C2CD3: variants seen among roughly 807,000 people sequenced by gnomAD.
The protein encoded by C2CD3 is C2 domain-containing protein 3.
C2CD3 carries 148 observed loss-of-function variants against 234.0 expected under a neutral mutation model. The ratio of observed to expected loss-of-function variants is 0.63; its 90% CI spans 0.55 to 0.72. The LOEUF (loss-of-function observed/expected upper bound fraction) is 0.72, where lower values mean the gene tolerates loss of function less well. C2CD3 is among the 30% of genes least tolerant of loss of function. The pLI is 0.00. For synonymous variants in C2CD3, 1,000 were observed against 1,035.4 expected, an observed-to-expected ratio of 0.97 and a Z score of 0.66; for missense variants, 2,577 against 2,811.5, an observed-to-expected ratio of 0.92 and a Z score of 1.89.
intron 24 of C2CD3, among the ~76,000 whole-genome samples, chr11:74,064,654 C>A (rs1954420045): frequency 1.3e-5 from 2 of 152,210 alleles, no homozygotes; most frequent in South Asian, 4.1e-4. Context: ...AGGCATCACA[C>A]TACCTGACTT....
At chr11:74,133,174 T>C (rs1590900986) in intron 6 of C2CD3, among the ~76,000 whole-genome samples, 1 of 152,184 alleles carries the variant, frequency 6.6e-6, no homozygotes, top group Admixed American at 6.5e-5. Context: ...AGGGAGAGAA[T>C]ATCCCCATTT....
Position 74,114,498 on chromosome 11 carries a change from T to A in C2CD3, c.1616A>T (p.His539Leu), listed in dbSNP as rs748536133. The A allele has an allele frequency of 1.9e-6, 3 of 1,613,760 alleles. No homozygotes were observed. The highest frequency in any genetic ancestry group is 2.5e-6 in the Non-Finnish European group (3 of 1,179,786). ...GGTTTCGATGATGATTCTGACTGAA[T>A]GTGTTCTACCCAAAAGGGCCAGTCT... ...VDRLALLGRT[H>L]SVRIIIETMG... The change falls in exon 10 of 33, where the codon CAT becomes CTT. Residue 539 changes from histidine (H) to leucine (L), a missense_variant. Coordinates refer to ENST00000334126, the MANE Select transcript of C2CD3 (RefSeq NM_001286577.2).
intron 19 of C2CD3, among the ~76,000 whole-genome samples, chr11:74,092,023 T>C (rs1955913826): frequency 6.6e-6 from 1 of 151,254 alleles, no homozygotes; most frequent in Admixed American, 6.6e-5. Context: ...GTATATTTTA[T>C]ATATATATAT....
rs1565212347 is a variant in C2CD3, at chr11:74,034,161, C to CG, written c.5998dup (p.Arg2000ProfsTer7). Reference sequence around the variant, plus strand: ...CAATGGCTCATCTGGCATTGTGCATCGTTCTTGCAGTGCTTCTGTGTCCTG... The same window carrying CG: ...CAATGGCTCATCTGGCATTGTGCATCGGTTCTTGCAGTGCTTCTGTGTCCTG... On this transcript the variant is annotated frameshift_variant, in exon 31 of 33. Transcript: ENST00000334126. LOFTEE classifies it high-confidence loss of function. 1 of 1,536,184 alleles carries CG rather than the reference C, an allele frequency of 6.5e-7. No homozygotes were observed. The highest frequency in any genetic ancestry group is 8.7e-7 in the Non-Finnish European group (1 of 1,146,912).
chr11:74,061,260 C>G (rs1028858552), intron 24 of C2CD3, among the ~76,000 whole-genome samples: 4 of 152,148 alleles, frequency 2.6e-5, no homozygotes, highest in African/African-American at 9.7e-5. Flanking sequence ...CATTCAAATT[C>G]AGGAAATACA....
At chr11:74,073,620 A>C (rs887782446) in intron 24 of C2CD3, among the ~76,000 whole-genome samples, 1 of 151,968 alleles carries the variant, frequency 6.6e-6, no homozygotes, top group Non-Finnish European at 1.5e-5. Flanking sequence ...AACAAACAAA[A>C]AAACCCCCCT....
rs12574039 is a variant in C2CD3, at chr11:74,094,979, A to T, written c.3160+249T>A. ...AGGGCAAATGCAAATAATTGGTAGAACTAGGTAAAGAGTATACCAAAGTTC... is the reference window on the plus strand; with the variant it reads ...AGGGCAAATGCAAATAATTGGTAGATCTAGGTAAAGAGTATACCAAAGTTC... On this transcript the variant is annotated intron_variant, in intron 17 of 32. Transcript: ENST00000334126. 0.23 allele frequency among the ~76,000 whole-genome samples: 34,293 copies of T among 151,970 alleles called. 4,183 individuals carry two copies. The highest frequency in any genetic ancestry group is 0.3 in the East Asian group (1,536 of 5,152).
At chr11:74,138,631 A>G in intron 5 of C2CD3, 89 bp downstream of exon 5, 1 of 1,008,826 alleles carries the variant, frequency 9.9e-7, no homozygotes, top group Non-Finnish European at 1.5e-6. Flanking sequence ...TTCAAACAAG[A>G]GTCTTGGTTC....
chr11:74,107,061 C>T (rs1565301391), intron 12 of C2CD3, among the ~76,000 whole-genome samples: 1 of 152,214 alleles, frequency 6.6e-6, no homozygotes, highest in Admixed American at 6.5e-5. Flanking sequence ...GTGGCCCATG[C>T]CTGTAATCCC....
intron 8 of C2CD3, among the ~76,000 whole-genome samples, chr11:74,118,803 G>A (rs1193328197): frequency 6.6e-6 from 1 of 151,940 alleles, no homozygotes; most frequent in African/African-American, 2.4e-5. Context: ...ATCCATAGCT[G>A]TAAAGCCAGA....
intron 7 of C2CD3, among the ~76,000 whole-genome samples, chr11:74,130,424 G>T (rs927693794): frequency 1.3e-5 from 2 of 148,866 alleles, no homozygotes; most frequent in Non-Finnish European, 2.9e-5. Flanking sequence ...GTAGAGATGG[G>T]GGTTTCACTA....
intron 25 of C2CD3, among the ~76,000 whole-genome samples, chr11:74,055,415 A>G (rs932811497): frequency 2.0e-5 from 3 of 152,240 alleles, no homozygotes; most frequent in Non-Finnish European, 4.4e-5. Context: ...AAAGTGTTGG[A>G]AAGTTCCAAA....
At chr11:74,146,416 T>G (rs1855189031) in intron 3 of C2CD3, among the ~76,000 whole-genome samples, 2 of 152,188 alleles carry the variant, frequency 1.3e-5, no homozygotes, top group Non-Finnish European at 2.9e-5. Context: ...TAAAAATAAC[T>G]TTCCAAGAGT....
At chr11:74,070,995 T>A (rs1954764510) in intron 24 of C2CD3, 1 of 152,220 alleles carries the variant, frequency 6.6e-6, no homozygotes, top group African/African-American at 2.4e-5. Context: ...AAAAATGCCC[T>A]CTGTGTTCTC....
chr11:74,031,928 C>T (rs1952535265), intron 31 of C2CD3, among the ~76,000 whole-genome samples: 1 of 152,230 alleles, frequency 6.6e-6, no homozygotes, highest in Non-Finnish European at 1.5e-5. Flanking sequence ...TGCTTTAATC[C>T]TTTCCTGAGC....
At chr11:74,122,882 TAAGTA>T in intron 8 of C2CD3, 101 bp downstream of exon 8, 1 of 791,316 alleles carries the variant, frequency 1.3e-6, no homozygotes, top group Non-Finnish European at 2.0e-6. Context: ...TCATTAAAAT[TAAGTA>T]AGGTAAGTTA....
At chr11:74,054,818 C>G in intron 25 of C2CD3, 147 bp from the exon 26 acceptor site, 1 of 547,570 alleles carries the variant, frequency 1.8e-6, no homozygotes. Flanking sequence ...ATATTTTTAT[C>G]TTCACAGTTA....
intron 8 of C2CD3, among the ~76,000 whole-genome samples, chr11:74,122,056 T>C (rs1957236600): frequency 6.6e-6 from 1 of 152,206 alleles, no homozygotes; most frequent in Non-Finnish European, 1.5e-5. Context: ...GATTTCCTCT[T>C]CACCTGACAT....
In C2CD3 at chr11:74,114,472, T is replaced by G; in HGVS notation, c.1642A>C (p.Met548Leu). The change falls in exon 10 of 33, where the codon ATG becomes CTG. Residue 548 changes from methionine (M) to leucine (L), a missense_variant. Physicochemically the swap from Met to Leu is conservative, Grantham distance 15. Coordinates refer to ENST00000334126, the MANE Select transcript of C2CD3 (RefSeq NM_001286577.2). ...TGAGGACTATCTGGAGGAACTCCCA[T>G]GGTTTCGATGATGATTCTGACTGAA... Reference protein sequence around the residue: ...THSVRIIIETMGVPPDSPQMT... With the variant: ...THSVRIIIETLGVPPDSPQMT... The G allele has an allele frequency of 6.2e-7, 1 of 1,613,974 alleles. No individual in the cohort carries two copies. Among genetic ancestry groups the G allele is most frequent in the South Asian group, 1.1e-5 (1 of 91,088 alleles).
Sources: allele counts gnomAD v4.1 joint callset (sites outside exome capture counted in the v4.1 genomes callset), GRCh38; gene constraint gnomAD v4.1.1; transcripts MANE v1.5; gene names NCBI Gene and HGNC (gene_info 2026-07-23, HGNC 2026-07-21).